Variants in PAX9 observed in about 807,000 individuals in gnomAD.
The protein encoded by PAX9 is paired box 9, also known as paired box protein Pax-9.
PAX9 carries 6 observed loss-of-function variants against 29.1 expected under a neutral mutation model. The observed-to-expected ratio is 0.21, with a 90% CI of 0.11 to 0.41. PAX9 has a LOEUF of 0.41. Among genes scored for constraint, PAX9 ranks in the 10% least tolerant of loss-of-function variants. The pLI is 1.00. For synonymous variants in PAX9, 217 were observed against 211.7 expected (o/e 1.03, Z -0.22); for missense variants, 443 against 479.1 (o/e 0.92, Z 0.70).
At chr14:36,666,920 C>T (rs1278055216) in intron 3 of PAX9, among the ~76,000 whole-genome samples, 2 of 152,174 alleles carry the variant, frequency 1.3e-5, no homozygotes, top group Non-Finnish European at 1.5e-5. Context: ...GGGGAGGCGG[C>T]TCCCGAAGCC....
At chr14:36,662,533 A>ATCTCG in intron 1 of PAX9, 1 of 405,314 alleles carries the variant, frequency 2.5e-6, no homozygotes, top group Non-Finnish European at 4.4e-6. Context: ...ATGGGTGGAG[A>ATCTCG]GAGGGAGCGG....
At position 36,678,826 on chromosome 14, in the gene PAX9, G is replaced by T; in HGVS notation, c.*2374G>T. ...TTTTCTCCCTCTAGGTCTTAACAGTGAATTCACATGGAGTAATTTTTAAAA... is the reference window on the plus strand; with the variant it reads ...TTTTCTCCCTCTAGGTCTTAACAGTTAATTCACATGGAGTAATTTTTAAAA... On this transcript the variant is annotated 3_prime_UTR_variant, in exon 4 of 4. Transcript: ENST00000361487. 1.0e-6 allele frequency: 1 copy of T among 991,190 alleles called. No homozygotes were observed. Among genetic ancestry groups the T allele is most frequent in the Non-Finnish European group, 1.2e-6 (1 of 825,608 alleles). 61.4% of individuals were successfully genotyped at this position (991,190 alleles called of 1,614,324 possible). A position where few individuals can be genotyped will look rare whatever the true frequency, so the allele number is the denominator to read the frequency against.
chr14:36,675,179 A>G (rs1213406983), intron 3 of PAX9, among the ~76,000 whole-genome samples: 1 of 152,116 alleles, frequency 6.6e-6, no homozygotes, highest in Non-Finnish European at 1.5e-5. Flanking sequence ...ATCAGGACAC[A>G]GCATCTACAC....
At chr14:36,663,955 A>T (rs1329384107) in intron 2 of PAX9, among the ~76,000 whole-genome samples, 1 of 152,224 alleles carries the variant, frequency 6.6e-6, no homozygotes, top group Non-Finnish European at 1.5e-5. Flanking sequence ...CTTGGGGATC[A>T]CTACGGCCGG....
chr14:36,674,075 A>G (rs75082534), intron 3 of PAX9, among the ~76,000 whole-genome samples: 5,482 of 152,316 alleles, frequency 0.036, 311 homozygotes, highest in African/African-American at 0.13. Flanking sequence ...GATTAAAACT[A>G]TAATCTCTAT....
upstream of PAX9, among the ~76,000 whole-genome samples, chr14:36,658,179 G>C (rs1357340468): frequency 6.6e-6 from 1 of 152,194 alleles, no homozygotes; most frequent in African/African-American, 2.4e-5. Context: ...AGCTGGGCTT[G>C]TTTTTCTCTC....
At chr14:36,674,963 T>C (rs578001373) in intron 3 of PAX9, among the ~76,000 whole-genome samples, 3 of 152,344 alleles carry the variant, frequency 2.0e-5, no homozygotes, top group Non-Finnish European at 4.4e-5. Context: ...TGCATTCTCA[T>C]AGATGTAGAA....
Position 36,678,784 on chromosome 14 carries a change from A to G in PAX9, c.*2332A>G. 1.9e-6 allele frequency: 2 copies of G among 1,044,444 alleles called. No homozygotes were observed. The highest frequency in any genetic ancestry group is 2.3e-6 in the Non-Finnish European group (2 of 857,580). 64.7% of individuals were successfully genotyped at this position (1,044,444 alleles called of 1,614,324 possible). A position where few individuals can be genotyped will look rare whatever the true frequency, so the allele number is the denominator to read the frequency against. On this transcript the variant is annotated 3_prime_UTR_variant, in exon 4 of 4. Transcript: ENST00000361487. ...TTGTATTTTAAAAAATCTAATATTA[A>G]TGGTATTGAAGTTTCCTTTTCTCCC...
intron 3 of PAX9, chr14:36,670,943 CATTTT>C (rs1232440978): frequency 7.5e-6 from 2 of 268,082 alleles, no homozygotes; most frequent in African/African-American, 4.6e-5. Context: ...ACCATCATTT[CATTTT>C]GTCAGGTATG....
upstream of PAX9, among the ~76,000 whole-genome samples, chr14:36,659,069 G>A (rs1881154926): frequency 6.6e-6 from 1 of 152,222 alleles, no homozygotes; most frequent in South Asian, 2.1e-4. Context: ...GCCTCGACGC[G>A]GCTAGGGAAA....
chr14:36,676,425 T>C lies in PAX9; in HGVS notation c.999T>C (p.Ser333=), dbSNP rs1384501293. The change falls in exon 4 of 4, where the codon AGT becomes AGC. Residue 333 remains serine (S), a synonymous_variant. Transcript: ENST00000361487. ...FKGMQAAREG[S]HSVTASAL ...GAATGCAGGCAGCCAGAGAAGGTAGTCATTCTGTCACGGCTTCCGCGCTCT... is the reference window on the plus strand; with the variant it reads ...GAATGCAGGCAGCCAGAGAAGGTAGCCATTCTGTCACGGCTTCCGCGCTCT... 6.2e-7 allele frequency: 1 copy of C among 1,613,978 alleles called. No homozygotes were observed.
rs756492499 is a variant in PAX9, at chr14:36,676,176, ACTT to A, written c.772-18_772-16del. The A allele has an allele frequency of 2.0e-5, 33 of 1,613,464 alleles. No homozygotes were observed. Among genetic ancestry groups the A allele is most frequent in the Admixed American group, 1.5e-4 (9 of 59,984 alleles). On this transcript the variant is annotated intron_variant, in intron 3 of 3. Coordinates refer to ENST00000361487, the MANE Select transcript of PAX9 (RefSeq NM_001372076.1). Reference sequence around the variant, plus strand: ...CACTCCTATAATGTGATTATTTTTCACTTCTTTTCTACTCCTCTCAGGCACCAA... The same window carrying A: ...CACTCCTATAATGTGATTATTTTTCACTTTTCTACTCCTCTCAGGCACCAA...
chr14:36,676,361 C>T lies in PAX9; in HGVS notation c.935C>T (p.Pro312Leu). 6.2e-7 allele frequency: 1 copy of T among 1,614,122 alleles called. No homozygotes were observed. The highest frequency in any genetic ancestry group is 8.5e-7 in the Non-Finnish European group (1 of 1,180,020). Residue 312 changes from proline (P) to leucine (L), a missense_variant, in exon 4 of 4, where the codon CCC becomes CTC. Pro to Leu is a moderately conservative substitution (Grantham distance 98). Coordinates refer to ENST00000361487, the MANE Select transcript of PAX9 (RefSeq NM_001372076.1). ...CATGCTGGGGGCACCTCATTGTCTC[C>T]CCACAACTGTGACATTCCGGCATCG... ...WQHAGGTSLS[P>L]HNCDIPASLA...
Position 36,679,187 on chromosome 14 carries a change from T to C in PAX9, c.*2735T>C, listed in dbSNP as rs1412807569. On this transcript the variant is annotated 3_prime_UTR_variant, in exon 4 of 4. Transcript: ENST00000361487. The stretch of plus-strand genomic sequence containing the variant: ...GAGACACATTCTTATTTCTTTTTTT[T>C]CACAATTTTGTTTTGTTTTTAATGA... 7.1e-6 allele frequency: 7 copies of C among 985,086 alleles called. No individual in the cohort carries two copies. In the East Asian group the frequency reaches 4.5e-4, roughly 64 times the overall value. The allele number at this position is 985,086 out of a possible 1,614,324, so 61.0% of individuals were successfully genotyped here. A position where few individuals can be genotyped will look rare whatever the true frequency, so the allele number is the denominator to read the frequency against.
upstream of PAX9, among the ~76,000 whole-genome samples, chr14:36,659,922 A>T (rs1390927417): frequency 1.3e-5 from 2 of 152,184 alleles, no homozygotes; most frequent in Non-Finnish European, 2.9e-5. Context: ...GCGGGACATG[A>T]GGTCTTGCCT....
intron 1 of PAX9, 69 bp downstream of exon 1, chr14:36,662,162 G>C: frequency 8.0e-7 from 1 of 1,255,274 alleles, no homozygotes; most frequent in Non-Finnish European, 1.1e-6. Flanking sequence ...AAGGGAGGGA[G>C]GGAGGGAGGG....
chr14:36,658,490 T>C (rs1881124132), upstream of PAX9: 1 of 152,334 alleles, frequency 6.6e-6, no homozygotes, highest in Non-Finnish European at 1.5e-5. Context: ...CTCTCTCCCG[T>C]GCATACGCAC....
chr14:36,661,967 T>C lies in PAX9; in HGVS notation c.-123T>C. The C allele has an allele frequency of 8.1e-7, 1 of 1,230,140 alleles. No homozygotes were observed. The highest frequency in any genetic ancestry group is 1.2e-6 in the Non-Finnish European group (1 of 855,262). The allele number at this position is 1,230,140 out of a possible 1,614,324, so 76.2% of individuals were successfully genotyped here. A position where few individuals can be genotyped will look rare whatever the true frequency, so the allele number is the denominator to read the frequency against. On this transcript the variant is annotated 5_prime_UTR_variant, in exon 1 of 4. Coordinates refer to ENST00000361487, the MANE Select transcript of PAX9 (RefSeq NM_001372076.1). ...CTTTTGCCCTCTCGCCTCCTCCTCC[T>C]GGGAAGAAGCGGAGGCGCCGGCGGT... is the stretch of plus-strand genomic sequence containing the variant.
chr14:36,676,306 T>G lies in PAX9; in HGVS notation c.880T>G (p.Ser294Ala), dbSNP rs760586017. 2 of 1,614,170 alleles carry G rather than the reference T, an allele frequency of 1.2e-6. No homozygotes were observed. Among genetic ancestry groups the G allele is most frequent in the Non-Finnish European group, 1.7e-6 (2 of 1,180,030 alleles). The part of the protein sequence containing the change: ...SPYMTYSAAP[S>A]GYVAGHGWQH... ...TTACATGACCTACAGTGCTGCTCCT[T>G]CTGGTTATGTTGCTGGACATGGGTG... is the stretch of plus-strand genomic sequence containing the variant. Residue 294 changes from serine to alanine, a missense_variant, in exon 4 of 4, where the codon TCT (serine) becomes GCT (alanine). By Grantham distance (99) the Ser-to-Ala change is moderately conservative. Around this residue, in one of 2 missense-constraint regions of PAX9, gnomAD observed 336 missense variants for 317.2 expected, o/e 1.06. Coordinates refer to ENST00000361487, the MANE Select transcript of PAX9 (RefSeq NM_001372076.1).
Sources: gnomAD v4.1 joint callset for allele counts (sites outside exome capture counted in the v4.1 genomes callset) on GRCh38, gnomAD v4.1.1 for gene constraint, gnomAD v4.1.1 regional missense constraint, MANE v1.5 for transcripts, NCBI Gene and HGNC (gene_info 2026-07-23, HGNC 2026-07-21) for gene names.